CEP131: variants seen among roughly 807,000 people sequenced by gnomAD.
CEP131 encodes the protein centrosomal protein 131.
A neutral mutation model predicts 136.8 loss-of-function variants in CEP131; 99 were observed. That is an observed-to-expected ratio of 0.72 (90% CI 0.62 to 0.86). The LOEUF (loss-of-function observed/expected upper bound fraction) is 0.86. CEP131 is among the 40% of genes least tolerant of loss of function. The probability of loss-of-function intolerance (pLI) is 0.00; values close to 1 mark genes in which losing one functional copy is unlikely to be tolerated. For missense variants in CEP131, 1,459 were observed against 1,463.0 expected (o/e 1.00, Z 0.04); for synonymous variants, 646 against 612.7 (o/e 1.05, Z -0.80).
At chr17:81,193,668 C>T (rs1042769031) in intron 18 of CEP131, among the ~76,000 whole-genome samples, 1 of 152,188 alleles carries the variant, frequency 6.6e-6, no homozygotes, top group African/African-American at 2.4e-5. Flanking sequence ...CCAGCCCTGA[C>T]CCTGGGAAAA....
At chr17:81,201,413 C>T (rs1434053822) in intron 7 of CEP131, among the ~76,000 whole-genome samples, 2 of 152,144 alleles carry the variant, frequency 1.3e-5, no homozygotes, top group East Asian at 3.9e-4. Flanking sequence ...CCGCCCACAG[C>T]CCCTCCAGCT....
At chr17:81,204,842 G>A (rs999029305) in intron 5 of CEP131, among the ~76,000 whole-genome samples, 3 of 152,204 alleles carry the variant, frequency 2.0e-5, no homozygotes, top group South Asian at 2.1e-4. Context: ...ACTCACAAAC[G>A]TTCAACAGCT....
intron 10 of CEP131, 51 bp from the exon 11 acceptor site, chr17:81,199,022 A>G: frequency 6.9e-7 from 1 of 1,448,676 alleles, no homozygotes; most frequent in East Asian, 2.5e-5. Context: ...CGGGGCGGGC[A>G]GCAACTCTGG....
In CEP131 at chr17:81,191,048, G is replaced by T; in HGVS notation, c.2802C>A (p.Leu934=). 6.2e-7 allele frequency: 1 copy of T among 1,610,020 alleles called. No individual in the cohort carries two copies. Among genetic ancestry groups the T allele is most frequent in the South Asian group, 1.1e-5 (1 of 90,990 alleles). Residue 934 remains leucine (L), a synonymous_variant, in exon 23 of 26, where the codon CTC becomes CTA. Transcript: ENST00000450824. ...KRLRDKYEAE[L]SELEQSERKL... ...TCCGCTCCGACTGCTCCAGCTCGGA[G>T]AGCTCGGCCTCGTACTTGTCCCGTA...
At chr17:81,197,455 G>A (rs1166277240) in intron 13 of CEP131, 5 of 564,912 alleles carry the variant, frequency 8.9e-6, no homozygotes, top group Non-Finnish European at 1.5e-5. Flanking sequence ...CGGGGCAGCG[G>A]GTAGGTGGGG....
rs1436526769 is a variant in CEP131, at chr17:81,190,752, G to A, written c.2994C>T (p.Arg998=). The change falls in exon 24 of 26, where the codon CGC becomes CGT. Residue 998 remains arginine (R), a synonymous_variant. Coordinates refer to ENST00000450824, the MANE Select transcript of CEP131 (RefSeq NM_014984.4). The part of the protein sequence containing the change: ...SERSNLAQVI[R]QEFEDRLAAS... ...CTGCCAGCCGGTCCTCGAACTCCTG[G>A]CGGATCACCTGGGCCAGGTTGCTGC... The A allele has an allele frequency of 6.2e-7, 1 of 1,612,012 alleles. No homozygotes were observed. The highest frequency in any genetic ancestry group is 8.5e-7 in the Non-Finnish European group (1 of 1,179,602).
In CEP131 at chr17:81,197,758, TC is replaced by T; in HGVS notation, c.1600del (p.Asp534ThrfsTer33). 6.2e-7 allele frequency: 1 copy of T among 1,613,024 alleles called. No individual in the cohort carries two copies. Among genetic ancestry groups the T allele is most frequent in the Non-Finnish European group, 8.5e-7 (1 of 1,179,890 alleles). On this transcript the variant is annotated frameshift_variant, in exon 13 of 26. Coordinates refer to ENST00000450824, the MANE Select transcript of CEP131 (RefSeq NM_014984.4). LOFTEE classifies it high-confidence loss of function. The stretch of plus-strand genomic sequence containing the variant: ...GTCCTGCCCAGACTTCTCCATCTCG[TC>T]CAAGAAGCTCATGATGCTTTGTAGC... ...AKLQSIMSFL[D>X]EMEKSGQDQL...
intron 2 of CEP131, among the ~76,000 whole-genome samples, chr17:81,218,075 C>T (rs952905320): frequency 1.4e-5 from 2 of 146,858 alleles, no homozygotes; most frequent in East Asian, 2.0e-4. Flanking sequence ...CAGAGTCTTG[C>T]TCTTTCGCCC....
At position 81,199,745 on chromosome 17, in the gene CEP131, G is replaced by C. The variant is rs765339625; in HGVS notation, c.997C>G (p.Arg333Gly). Reference protein sequence around the residue: ...ARRKAREEKARQARRAAIQEL... With the variant: ...ARRKAREEKAGQARRAAIQEL... Reference sequence around the variant, plus strand: ...TGAATGGCTGCTCGCCTGGCTTGGCGTGCCTTCTCCTCCCGGGCCTTCCTC... The same window carrying C: ...TGAATGGCTGCTCGCCTGGCTTGGCCTGCCTTCTCCTCCCGGGCCTTCCTC... The change falls in exon 9 of 26, where the codon CGC (arginine) becomes GGC (glycine). Residue 333 changes from arginine (R) to glycine (G), a missense_variant. Physicochemically the swap from Arg to Gly is moderately radical, Grantham distance 125 (BLOSUM62 -2). This residue lies in a region of CEP131 where 246 missense variants were observed against 318.9 expected (regional missense o/e 0.77). Transcript: ENST00000450824. The C allele has an allele frequency of 7.5e-6, 12 of 1,610,408 alleles. 1 individual carries two copies. The South Asian group carries it at 1.2e-4, about 16-fold the overall frequency.
chr17:81,202,818 G>A (rs2061923541), intron 6 of CEP131, among the ~76,000 whole-genome samples: 2 of 152,154 alleles, frequency 1.3e-5, no homozygotes, highest in East Asian at 1.9e-4. Flanking sequence ...AAAAAAATTC[G>A]CTCGGCATGG....
In CEP131 at chr17:81,189,757, C is replaced by T. The variant is rs773708689; in HGVS notation, c.*12G>A. ...GCCTTCCGTTCTTCGACAGTGTTCC[C>T]GGCATCCCTGGTCACTTGGTACTTG... On this transcript the variant is annotated 3_prime_UTR_variant, in exon 26 of 26. Coordinates refer to ENST00000450824, the MANE Select transcript of CEP131 (RefSeq NM_014984.4). 7.6e-6 allele frequency: 12 copies of T among 1,589,050 alleles called. No individual in the cohort carries two copies. The highest frequency in any genetic ancestry group is 6.8e-5 in the South Asian group (6 of 88,728).
At position 81,203,604 on chromosome 17, in the gene CEP131, G is replaced by T. The variant is rs984279173; in HGVS notation, c.519C>A (p.Ser173Arg). 6.3e-7 allele frequency: 1 copy of T among 1,590,092 alleles called. No individual in the cohort carries two copies. Among genetic ancestry groups the T allele is most frequent in the African/African-American group, 1.3e-5 (1 of 74,718 alleles). Residue 173 changes from serine (S) to arginine (R), a missense_variant, in exon 6 of 26, where the codon AGC (serine) becomes AGA (arginine). Ser to Arg is a moderately radical substitution (Grantham distance 110). Around this residue, in one of 3 missense-constraint regions of CEP131, gnomAD observed 246 missense variants for 318.9 expected, o/e 0.77. Transcript: ENST00000450824. This position sits in a 1 kb window ranked among gnomAD's most constrained non-coding sequence, Gnocchi z 4.6. ...CGCAGTTGCCCACTGCTCCCTTGTT[G>T]CTCCTGCCAGGCCGGAAGAGAGACA... ...LAPNFTANNR[S>R]NKGAVGNCVT... is the part of the protein sequence containing the mutation.
chr17:81,200,991 CTA>C (rs947734720), intron 7 of CEP131, among the ~76,000 whole-genome samples: 2 of 152,132 alleles, frequency 1.3e-5, no homozygotes, highest in African/African-American at 4.8e-5. Flanking sequence ...ACAGACAGCA[CTA>C]TACACCCTGG....
At position 81,192,400 on chromosome 17, in the gene CEP131, G is replaced by A. The variant is rs1325721724; in HGVS notation, c.2548-8C>T. On this transcript the variant is annotated splice_polypyrimidine_tract_variant and splice_region_variant and intron_variant, in intron 20 of 25. Transcript: ENST00000450824. ...CAGGGTATTCAGCTCCATCTGGGGG[G>A]CGGACATAAGAGGCCAGTCAGTCCC... 9.9e-6 allele frequency: 16 copies of A among 1,609,854 alleles called. No homozygotes were observed. The highest frequency in any genetic ancestry group is 3.3e-5 in the South Asian group (3 of 90,598).
chr17:81,206,688 C>T, intron 5 of CEP131, 56 bp downstream of exon 5: 1 of 1,550,810 alleles, frequency 6.4e-7, no homozygotes, highest in Non-Finnish European at 8.7e-7. Flanking sequence ...CACACACAGT[C>T]TCCACTCCAG....
Position 81,191,021 on chromosome 17 carries a change from C to T in CEP131, c.2829G>A (p.Lys943=), listed in dbSNP as rs1187173544. Residue 943 remains lysine (K), a synonymous_variant, in exon 23 of 26, where the codon AAG becomes AAA. Transcript: ENST00000450824. ...ELSELEQSER[K]LQERCSELKG... is the part of the protein sequence containing the mutation. Reference sequence around the variant, plus strand: ...TCAGCTCCGAGCACCGCTCCTGAAGCTTCCGCTCCGACTGCTCCAGCTCGG... The same window carrying T: ...TCAGCTCCGAGCACCGCTCCTGAAGTTTCCGCTCCGACTGCTCCAGCTCGG... 8.7e-6 allele frequency: 14 copies of T among 1,610,490 alleles called. No homozygotes were observed. The highest frequency in any genetic ancestry group is 1.2e-5 in the Non-Finnish European group (14 of 1,179,876).
At chr17:81,198,365 G>A in intron 11 of CEP131, 68 bp from the exon 12 acceptor site, 1 of 1,463,646 alleles carries the variant, frequency 6.8e-7, no homozygotes, top group Admixed American at 2.3e-5. Flanking sequence ...CACATAGGAG[G>A]CCAACCGCAG....
chr17:81,217,225 C>T (rs1598325568), intron 2 of CEP131, among the ~76,000 whole-genome samples: 1 of 152,154 alleles, frequency 6.6e-6, no homozygotes, highest in Non-Finnish European at 1.5e-5. Context: ...CCTCTACAGT[C>T]TGGCACCGAC....
At chr17:81,200,700 G>T (rs1207449726) in intron 7 of CEP131, among the ~76,000 whole-genome samples, 1 of 152,218 alleles carries the variant, frequency 6.6e-6, no homozygotes, top group Non-Finnish European at 1.5e-5. Flanking sequence ...TACCCACGCA[G>T]GCCTGTGTGG....
Sources: allele counts gnomAD v4.1 joint callset (sites outside exome capture counted in the v4.1 genomes callset), GRCh38; gene constraint gnomAD v4.1.1; regional missense constraint gnomAD v4.1.1; non-coding constraint Gnocchi (gnomAD v3.1); transcripts MANE v1.5; gene names NCBI Gene and HGNC (gene_info 2026-07-23, HGNC 2026-07-21).